Variants in SV2C observed in about 807,000 individuals in gnomAD.
SV2C encodes synaptic vesicle glycoprotein 2C.
A neutral mutation model predicts 79.7 loss-of-function variants in SV2C; 49 were observed. The ratio of observed to expected loss-of-function variants is 0.61; its 90% CI spans 0.49 to 0.78. The LOEUF is 0.78. Among genes scored for constraint, SV2C ranks in the 30% least tolerant of loss-of-function variants. SV2C has a pLI of 0.00. For missense variants in SV2C, 833 were observed against 912.9 expected (o/e 0.91, Z 1.13); for synonymous variants, 334 against 333.2 (o/e 1.00, Z -0.03).
At position 76,326,885 on chromosome 5, in the gene SV2C, A is replaced by C. The variant is rs563906057; in HGVS notation, c.*1338A>C. 4 of 152,242 alleles carry C rather than the reference A, an allele frequency of 2.6e-5. No homozygotes were observed. In the South Asian group the frequency reaches 8.3e-4, roughly 32 times the overall value. The allele number at this position is 152,242 out of a possible 1,614,324, so 9.4% of individuals were successfully genotyped here. A position where few individuals can be genotyped will look rare whatever the true frequency, so the allele number is the denominator to read the frequency against. The stretch of plus-strand genomic sequence containing the variant: ...TCGCCTCTCAGGCTCCCCTTCCCCC[A>C]GGCTCGTCCTTTTTACACCTCTTCT... On this transcript the variant is annotated 3_prime_UTR_variant, in exon 13 of 13. Transcript: ENST00000502798.
chr5:76,346,274 C>T (rs764111121), intron 12 of SV2C, among the ~76,000 whole-genome samples: 9 of 152,124 alleles, frequency 5.9e-5, no homozygotes, highest in South Asian at 2.1e-4. Context: ...GGATTTGTTA[C>T]CTTTGTTTTT....
the SV2C span, among the ~76,000 whole-genome samples, chr5:75,868,017 G>A: frequency 6.6e-6 from 1 of 152,194 alleles, no homozygotes; most frequent in Non-Finnish European, 1.5e-5. Flanking sequence ...AAAGGGATGA[G>A]AGTTATGACA....
chr5:75,873,232 G>A, the SV2C span, among the ~76,000 whole-genome samples: 1 of 152,074 alleles, frequency 6.6e-6, no homozygotes, highest in Admixed American at 6.6e-5. Context: ...TAAAAGGACT[G>A]TTATGAAACA....
chr5:76,258,545 C>T (rs569749600), intron 4 of SV2C, among the ~76,000 whole-genome samples: 24 of 152,240 alleles, frequency 1.6e-4, no homozygotes, highest in Non-Finnish European at 2.6e-4. Context: ...TGAAATAGTG[C>T]GAAATCCACA....
At chr5:76,036,671 T>G in the SV2C span, among the ~76,000 whole-genome samples, 2,384 of 152,306 alleles carry the variant, frequency 0.016, 33 homozygotes, top group Non-Finnish European at 0.025. Context: ...TCTGGCTGCC[T>G]TTAACATTTT....
intron 1 of SV2C, among the ~76,000 whole-genome samples, chr5:76,128,775 A>G (rs997194324): frequency 7.9e-5 from 12 of 152,238 alleles, no homozygotes; most frequent in African/African-American, 2.7e-4. Context: ...GACATATATT[A>G]TGTGGCATAA....
the SV2C span, among the ~76,000 whole-genome samples, chr5:76,026,328 C>A: frequency 3.0e-4 from 46 of 151,926 alleles, no homozygotes; most frequent in African/African-American, 1.1e-3. Flanking sequence ...TTTCTATGTA[C>A]TTTTATTCAA....
At chr5:76,026,517 G>A in the SV2C span, among the ~76,000 whole-genome samples, 259 of 152,206 alleles carry the variant, frequency 1.7e-3, 7 homozygotes, top group East Asian at 0.048. Context: ...ACAAAGCAAG[G>A]TCTGCCATCC....
chr5:76,137,217 C>T (rs187973282), intron 2 of SV2C, among the ~76,000 whole-genome samples: 24 of 152,234 alleles, frequency 1.6e-4, no homozygotes, highest in African/African-American at 5.8e-4. Context: ...TAAATGATAG[C>T]TGCTATAATA....
chr5:76,059,389 T>C, the SV2C span, among the ~76,000 whole-genome samples: 2 of 152,146 alleles, frequency 1.3e-5, no homozygotes, highest in Non-Finnish European at 2.9e-5. Context: ...CAAACCCTGG[T>C]TTATCAACTA....
intron 2 of SV2C, among the ~76,000 whole-genome samples, chr5:76,192,542 G>T (rs751434944): frequency 6.6e-6 from 1 of 152,134 alleles, no homozygotes; most frequent in Non-Finnish European, 1.5e-5. Context: ...ATAACACTGT[G>T]AATATAGAAA....
At chr5:76,243,000 C>T (rs1170252238) in intron 4 of SV2C, among the ~76,000 whole-genome samples, 6 of 101,026 alleles carry the variant, frequency 5.9e-5, no homozygotes, top group South Asian at 7.1e-4. Context: ...TGCAACAGAT[C>T]GAGACCCCAT....
At chr5:75,963,305 G>C in the SV2C span, among the ~76,000 whole-genome samples, 544 of 152,200 alleles carry the variant, frequency 3.6e-3, 1 homozygote, top group African/African-American at 0.012. Flanking sequence ...CATTTTGCTT[G>C]AGTACACTCA....
intron 4 of SV2C, among the ~76,000 whole-genome samples, chr5:76,229,168 A>C (rs938796070): frequency 1.3e-5 from 2 of 152,072 alleles, no homozygotes; most frequent in East Asian, 3.9e-4. Flanking sequence ...CCCATCCTCC[A>C]TCCTCCCCAC....
At chr5:76,021,526 C>T in the SV2C span, among the ~76,000 whole-genome samples, 2 of 152,168 alleles carry the variant, frequency 1.3e-5, no homozygotes, top group African/African-American at 2.4e-5. Flanking sequence ...ATTTACCTCA[C>T]TATTCTCAGT....
chr5:76,081,152 C>T (rs571403801), upstream of SV2C, among the ~76,000 whole-genome samples: 2 of 152,118 alleles, frequency 1.3e-5, no homozygotes, highest in East Asian at 3.8e-4. Flanking sequence ...AAAAATCAAC[C>T]CACTTTAAAA....
intron 2 of SV2C, among the ~76,000 whole-genome samples, chr5:76,162,787 A>G (rs772143600): frequency 1.3e-5 from 2 of 152,176 alleles, no homozygotes; most frequent in Non-Finnish European, 2.9e-5. Context: ...TCTTTTTACT[A>G]CAGATATGCT....
chr5:76,078,602 C>A, upstream of SV2C: 1 of 382,256 alleles, frequency 2.6e-6, no homozygotes. Context: ...ACGGGCATGC[C>A]CCTACCCCCT....
At chr5:76,307,598 A>G (rs1748242450) in intron 12 of SV2C, among the ~76,000 whole-genome samples, 1 of 152,178 alleles carries the variant, frequency 6.6e-6, no homozygotes, top group Non-Finnish European at 1.5e-5. Flanking sequence ...AACTATTTGA[A>G]TACTTTTTCA....
Sources: gnomAD v4.1 joint callset for allele counts (sites outside exome capture counted in the v4.1 genomes callset) on GRCh38, gnomAD v4.1.1 for gene constraint, MANE v1.5 for transcripts, NCBI Gene and HGNC (gene_info 2026-07-23, HGNC 2026-07-21) for gene names.